The following MRTFA variants were observed in gnomAD, a reference collection of about 807,000 sequenced individuals.
MRTFA encodes myocardin-related transcription factor A.
Under a neutral mutation model 83.5 loss-of-function variants are expected in MRTFA, and 20 were observed. That is an observed-to-expected ratio of 0.24 (90% CI 0.17 to 0.35). MRTFA has a LOEUF of 0.35. MRTFA is among the 10% of genes least tolerant of loss of function. The pLI, the probability that MRTFA is intolerant of heterozygous loss-of-function variation, is 1.00. For synonymous variants in MRTFA, 659 were observed against 541.2 expected (o/e 1.22, Z -3.02); for missense variants, 1,200 against 1,224.7 (o/e 0.98, Z 0.30).
At chr22:40,448,069 T>A (rs2147123031) in intron 4 of MRTFA, among the ~76,000 whole-genome samples, 1 of 152,160 alleles carries the variant, frequency 6.6e-6, no homozygotes, top group Middle Eastern at 3.4e-3. Flanking sequence ...CCCAACACTT[T>A]GGGAGTACGA....
At chr22:40,554,309 A>G (rs946409235) in intron 2 of MRTFA, among the ~76,000 whole-genome samples, 2 of 152,070 alleles carry the variant, frequency 1.3e-5, no homozygotes, top group Non-Finnish European at 2.9e-5. Flanking sequence ...GCAGAATGAT[A>G]TGGTTTGGCT....
intron 11 of MRTFA, among the ~76,000 whole-genome samples, chr22:40,419,661 C>A (rs1483017165): frequency 6.6e-6 from 1 of 152,232 alleles, no homozygotes; most frequent in Non-Finnish European, 1.5e-5. Flanking sequence ...CAGCCCCCAG[C>A]CCCCAGCATG....
intron 3 of MRTFA, chr22:40,533,494 T>C: frequency 1.5e-6 from 1 of 662,720 alleles, no homozygotes; most frequent in Non-Finnish European, 2.1e-6. Flanking sequence ...CCACTCCTAG[T>C]ACAAATATGA....
chr22:40,548,594 C>T (rs2147307311), intron 3 of MRTFA, among the ~76,000 whole-genome samples: 1 of 152,196 alleles, frequency 6.6e-6, no homozygotes, highest in African/African-American at 2.4e-5. Flanking sequence ...GGCCTGGTGG[C>T]TCACATCTGT....
At chr22:40,502,146 C>T (rs2054496734) in intron 3 of MRTFA, among the ~76,000 whole-genome samples, 3 of 143,090 alleles carry the variant, frequency 2.1e-5, no homozygotes, top group Non-Finnish European at 3.1e-5. Flanking sequence ...GGGCGGCTGG[C>T]CGGGCGGGGG....
intron 3 of MRTFA, among the ~76,000 whole-genome samples, chr22:40,473,054 T>C (rs752739916): frequency 6.6e-6 from 1 of 152,212 alleles, no homozygotes; most frequent in Non-Finnish European, 1.5e-5. Flanking sequence ...TATCTCTAGA[T>C]GCACTTCTGT....
At chr22:40,601,625 T>G (rs1054892248) in intron 1 of MRTFA, among the ~76,000 whole-genome samples, 5 of 152,146 alleles carry the variant, frequency 3.3e-5, no homozygotes, top group Non-Finnish European at 7.4e-5. Context: ...TCAGCAGTTA[T>G]CACATAGATG....
At position 40,636,538 on chromosome 22, in the gene MRTFA, C is replaced by A. The variant is rs2056703484; in HGVS notation, c.-144G>T. Reference sequence around the variant, plus strand: ...GCCCCACTCCGGCTCTAGCCGCCCGCGTCTCCTCTCGAGGCTCACTGTCCA... The same window carrying A: ...GCCCCACTCCGGCTCTAGCCGCCCGAGTCTCCTCTCGAGGCTCACTGTCCA... On this transcript the variant is annotated 5_prime_UTR_variant, in exon 1 of 15. Coordinates refer to ENST00000355630, the MANE Select transcript of MRTFA (RefSeq NM_020831.6). The A allele has an allele frequency of 6.6e-6, 1 of 152,400 alleles. No individual in the cohort carries two copies. The highest frequency in any genetic ancestry group is 1.5e-5 in the Non-Finnish European group (1 of 68,164). The allele number at this position is 152,400 out of a possible 1,614,324, so 9.4% of individuals were successfully genotyped here.
At chr22:40,466,880 TGATTC>T (rs1414041841) in intron 3 of MRTFA, among the ~76,000 whole-genome samples, 7 of 152,172 alleles carry the variant, frequency 4.6e-5, no homozygotes, top group Admixed American at 2.0e-4. Flanking sequence ...TTAATAAATT[TGATTC>T]AAGTTTTCTG....
intron 1 of MRTFA, among the ~76,000 whole-genome samples, chr22:40,613,326 T>C (rs899853384): frequency 2.6e-5 from 4 of 152,242 alleles, no homozygotes; most frequent in Admixed American, 6.5e-5. Flanking sequence ...GTTGACTGTA[T>C]GTTTTCATTT....
chr22:40,459,680 T>G (rs2053661505), intron 4 of MRTFA, among the ~76,000 whole-genome samples: 1 of 150,532 alleles, frequency 6.6e-6, no homozygotes, highest in African/African-American at 2.5e-5. Context: ...TTTGTCAGAC[T>G]CTCTCTCTCA....
chr22:40,535,655 T>C (rs1303802301), intron 3 of MRTFA, among the ~76,000 whole-genome samples: 4 of 152,168 alleles, frequency 2.6e-5, no homozygotes, highest in African/African-American at 4.8e-5. Context: ...ACCTGGTCTT[T>C]GTTAAATTTA....
At chr22:40,627,259 G>C (rs2056593088) in intron 1 of MRTFA, among the ~76,000 whole-genome samples, 1 of 152,158 alleles carries the variant, frequency 6.6e-6, no homozygotes, top group South Asian at 2.1e-4. Flanking sequence ...CACTACAAGT[G>C]CATGTCACCA....
At chr22:40,538,426 A>C (rs1661615112) in intron 3 of MRTFA, among the ~76,000 whole-genome samples, 1 of 150,964 alleles carries the variant, frequency 6.6e-6, no homozygotes, top group Admixed American at 6.6e-5. Context: ...GGACACAAAC[A>C]CTGCAGAAGG....
At chr22:40,592,126 T>C (rs2056128701) in intron 2 of MRTFA, among the ~76,000 whole-genome samples, 1 of 152,018 alleles carries the variant, frequency 6.6e-6, no homozygotes, top group Admixed American at 6.6e-5. Flanking sequence ...AAATTTATAA[T>C]TGTTTTAAAA....
chr22:40,489,435 G>A (rs1239237775), intron 3 of MRTFA, among the ~76,000 whole-genome samples: 1 of 151,270 alleles, frequency 6.6e-6, no homozygotes, highest in African/African-American at 2.4e-5. Context: ...AGCCTCCTGT[G>A]TAGCTGGGAC....
At chr22:40,529,401 C>T (rs2055036300) in intron 3 of MRTFA, among the ~76,000 whole-genome samples, 1 of 152,106 alleles carries the variant, frequency 6.6e-6, no homozygotes, top group Non-Finnish European at 1.5e-5. Flanking sequence ...ACCGCAACCT[C>T]CACCTCCTGG....
intron 3 of MRTFA, among the ~76,000 whole-genome samples, chr22:40,510,593 T>C (rs1302332109): frequency 6.6e-6 from 1 of 152,050 alleles, no homozygotes; most frequent in Non-Finnish European, 1.5e-5. Flanking sequence ...AATCATTAAA[T>C]AAAAATTATT....
chr22:40,532,479 C>T (rs188906375), intron 3 of MRTFA, among the ~76,000 whole-genome samples: 1 of 152,116 alleles, frequency 6.6e-6, no homozygotes, highest in African/African-American at 2.4e-5. Context: ...ACACAAAGCT[C>T]AATAGATCTG....
Sources: gnomAD v4.1 joint callset for allele counts (sites outside exome capture counted in the v4.1 genomes callset) on GRCh38, gnomAD v4.1.1 for gene constraint, MANE v1.5 for transcripts, NCBI Gene and HGNC (gene_info 2026-07-23, HGNC 2026-07-21) for gene names.